Variants in RIN2 observed in about 807,000 individuals in gnomAD.
RIN2 encodes the protein Ras and Rab interactor 2.
Under a neutral mutation model 78.0 loss-of-function variants are expected in RIN2, and 36 were observed. The ratio of observed to expected loss-of-function variants is 0.46; its 90% CI spans 0.35 to 0.61. The LOEUF (loss-of-function observed/expected upper bound fraction) is 0.61, where lower values mean the gene tolerates loss of function less well. RIN2 is among the 20% of genes least tolerant of loss of function. The pLI, the probability that RIN2 is intolerant of heterozygous loss-of-function variation, is 0.00. For missense variants in RIN2, 1,087 were observed against 1,159.7 expected (o/e 0.94, Z 0.91); for synonymous variants, 466 against 466.8 (o/e 1.00, Z 0.02).
intron 1 of RIN2, among the ~76,000 whole-genome samples, chr20:19,779,308 AT>A (rs2034417492): frequency 1.3e-5 from 2 of 152,106 alleles, no homozygotes; most frequent in Non-Finnish European, 2.9e-5. Context: ...TAAAAAAAAA[AT>A]CCTCCTAATT....
chr20:19,788,446 AAAAC>A (rs960287659), intron 1 of RIN2, among the ~76,000 whole-genome samples: 1 of 150,558 alleles, frequency 6.6e-6, no homozygotes, highest in Non-Finnish European at 1.5e-5. Flanking sequence ...AAAAAAAAAA[AAAAC>A]AACTAGCTAG....
chr20:19,876,200 G>A (rs1047303931), intron 2 of RIN2, among the ~76,000 whole-genome samples: 10 of 152,164 alleles, frequency 6.6e-5, no homozygotes, highest in African/African-American at 2.4e-4. Context: ...TTTTGTTTTT[G>A]TTTTATTTTT....
intron 3 of RIN2, among the ~76,000 whole-genome samples, chr20:19,908,152 C>G (rs2039299569): frequency 6.6e-6 from 1 of 152,144 alleles, no homozygotes; most frequent in African/African-American, 2.4e-5. Context: ...CCAAAAAAGA[C>G]TCATCCAAGA....
chr20:19,764,916 GCGTTTTTTTT>G (rs2033803452), intron 1 of RIN2, among the ~76,000 whole-genome samples: 4 of 35,362 alleles, frequency 1.1e-4, no homozygotes, highest in Middle Eastern at 0.015. Context: ...TTCACTTTCT[GCGTTTTTTTT>G]TTTTTTTTTT....
Position 19,837,551 on chromosome 20 carries a change from A to T in RIN2, c.-37+37804A>T, listed in dbSNP as rs371602253. 7.9e-5 allele frequency among the ~76,000 whole-genome samples: 12 copies of T among 152,260 alleles called. No homozygotes were observed. The East Asian group carries it at 1.7e-3, about 22-fold the overall frequency. ...TCTATTCAAAATTTCTAATTTCACC[A>T]TTGGGATACTAGAGTTTTTATTGCT... On this transcript the variant is annotated intron_variant, in intron 2 of 12. Coordinates refer to ENST00000255006, the MANE Select transcript of RIN2 (RefSeq NM_018993.4).
At chr20:19,982,233 C>G (rs2042477742) in intron 9 of RIN2, among the ~76,000 whole-genome samples, 1 of 152,188 alleles carries the variant, frequency 6.6e-6, no homozygotes, top group Non-Finnish European at 1.5e-5. Flanking sequence ...CCAGCAACCA[C>G]CCCGGGAAGC....
At chr20:19,886,612 C>CTTCTTCT (rs748011640) in intron 2 of RIN2, 3 of 520,974 alleles carry the variant, frequency 5.8e-6, no homozygotes, top group East Asian at 7.0e-5. Flanking sequence ...TCTTCTTCTT[C>CTTCTTCT]TTTTTTTTTT....
intron 2 of RIN2, among the ~76,000 whole-genome samples, chr20:19,840,297 C>T (rs1450096943): frequency 6.6e-6 from 1 of 152,192 alleles, no homozygotes; most frequent in East Asian, 1.9e-4. Context: ...CCTGGTGCCA[C>T]ACCTTGGTAA....
intron 4 of RIN2, chr20:19,935,475 C>A: frequency 8.3e-7 from 1 of 1,203,088 alleles, no homozygotes; most frequent in Non-Finnish European, 1.0e-6. Context: ...CCATATCCAC[C>A]TACTCCCAAT....
chr20:19,757,938 G>C (rs2033438050), upstream of RIN2: 1 of 152,382 alleles, frequency 6.6e-6, no homozygotes, highest in Admixed American at 6.5e-5. Context: ...CCTTGTAACA[G>C]GGTAAGCGTA....
chr20:19,861,702 T>A (rs1215721525), intron 2 of RIN2, among the ~76,000 whole-genome samples: 1 of 147,070 alleles, frequency 6.8e-6, no homozygotes, highest in Non-Finnish European at 1.5e-5. Flanking sequence ...TCAACCTCCA[T>A]ATCTGATGAT....
At chr20:19,919,341 G>A (rs545682147) in intron 3 of RIN2, among the ~76,000 whole-genome samples, 2 of 152,102 alleles carry the variant, frequency 1.3e-5, no homozygotes, top group East Asian at 1.9e-4. Context: ...ACACCTGCAG[G>A]CCCCTTCAAC....
intron 2 of RIN2, among the ~76,000 whole-genome samples, chr20:19,879,214 C>T (rs555564624): frequency 6.6e-6 from 1 of 152,318 alleles, no homozygotes; most frequent in East Asian, 1.9e-4. Flanking sequence ...ACAATTGCTG[C>T]CACCAAAACC....
intron 2 of RIN2, among the ~76,000 whole-genome samples, chr20:19,844,824 T>C (rs1040620713): frequency 6.6e-6 from 1 of 151,948 alleles, no homozygotes; most frequent in Admixed American, 6.6e-5. Flanking sequence ...CATGATGGTT[T>C]GCTGCACCAA....
chr20:19,984,112 C>T (rs1249524462), intron 9 of RIN2, among the ~76,000 whole-genome samples: 1 of 150,572 alleles, frequency 6.6e-6, no homozygotes, highest in Non-Finnish European at 1.5e-5. Context: ...AAACCAAACA[C>T]TGCATGTTCT....
At chr20:19,930,459 A>G (rs2040398265) in intron 3 of RIN2, among the ~76,000 whole-genome samples, 2 of 152,310 alleles carry the variant, frequency 1.3e-5, no homozygotes, top group East Asian at 1.9e-4. Flanking sequence ...GGCTGAAGGG[A>G]ATCAACTGAT....
intron 2 of RIN2, among the ~76,000 whole-genome samples, chr20:19,802,488 A>G (rs2035272332): frequency 6.9e-6 from 1 of 143,942 alleles, no homozygotes; most frequent in Non-Finnish European, 1.5e-5. Flanking sequence ...AAAAAAAAAA[A>G]GTATACCTAG....
At chr20:19,964,055 G>C (rs898713302) in intron 6 of RIN2, among the ~76,000 whole-genome samples, 2 of 151,812 alleles carry the variant, frequency 1.3e-5, no homozygotes, top group Admixed American at 6.6e-5. Flanking sequence ...GTAGAGACAG[G>C]GTTTTGCCAT....
intron 4 of RIN2, among the ~76,000 whole-genome samples, chr20:19,943,225 G>A (rs996256139): frequency 2.6e-5 from 4 of 152,162 alleles, no homozygotes; most frequent in African/African-American, 4.8e-5. Flanking sequence ...GCCAGCATTC[G>A]CTCTGTATCT....
Sources: allele counts gnomAD v4.1 joint callset (sites outside exome capture counted in the v4.1 genomes callset), GRCh38; gene constraint gnomAD v4.1.1; transcripts MANE v1.5; gene names NCBI Gene and HGNC (gene_info 2026-07-23, HGNC 2026-07-21).